The following DZIP1 variants were observed in gnomAD, a reference collection of about 807,000 sequenced individuals.
DZIP1 encodes DAZ interacting zinc finger protein 1.
Under a neutral mutation model 107.6 loss-of-function variants are expected in DZIP1, and 97 were observed. The ratio of observed to expected loss-of-function variants is 0.90; its 90% CI spans 0.77 to 1.07. The LOEUF (loss-of-function observed/expected upper bound fraction) is 1.07. DZIP1 is among the 50% of genes least tolerant of loss of function. The probability of loss-of-function intolerance (pLI) is 0.00; values close to 1 mark genes in which losing one functional copy is unlikely to be tolerated. For missense variants in DZIP1, 1,035 were observed against 1,063.6 expected (o/e 0.97, Z 0.37); for synonymous variants, 390 against 386.4 (o/e 1.01, Z -0.11).
intron 8 of DZIP1, among the ~76,000 whole-genome samples, chr13:95,624,345 T>G (rs964502941): frequency 6.6e-6 from 1 of 152,192 alleles, no homozygotes; most frequent in Non-Finnish European, 1.5e-5. Flanking sequence ...TAGCCATAAC[T>G]TGCTTGCTTT....
intron 18 of DZIP1, among the ~76,000 whole-genome samples, 187 bp from the exon 19 acceptor site, chr13:95,589,394 A>G (rs1384500167): frequency 6.6e-6 from 1 of 152,172 alleles, no homozygotes; most frequent in Non-Finnish European, 1.5e-5. Flanking sequence ...TGGACCAAAC[A>G]CTGTTATGGA....
chr13:95,584,675 A>G, intron 22 of DZIP1, 61 bp downstream of exon 22: 1 of 1,541,398 alleles, frequency 6.5e-7, no homozygotes, highest in Admixed American at 2.1e-5. Context: ...ATATTTATAA[A>G]GATGAAACAC....
intron 14 of DZIP1, among the ~76,000 whole-genome samples, chr13:95,603,181 A>G (rs1319087886): frequency 6.6e-6 from 1 of 151,776 alleles, no homozygotes; most frequent in Non-Finnish European, 1.5e-5. Flanking sequence ...TTAGTCAGGT[A>G]TGGTGGTGCA....
At chr13:95,601,587 C>A (rs1346170384) in intron 14 of DZIP1, among the ~76,000 whole-genome samples, 1 of 152,188 alleles carries the variant, frequency 6.6e-6, no homozygotes, top group Non-Finnish European at 1.5e-5. Flanking sequence ...TGGCTTGTAC[C>A]TTTCTGGACC....
At chr13:95,630,306 T>G (rs1379037795) in intron 6 of DZIP1, among the ~76,000 whole-genome samples, 193 bp from the exon 7 acceptor site, 2 of 152,144 alleles carry the variant, frequency 1.3e-5, no homozygotes, top group Non-Finnish European at 2.9e-5. Context: ...GGGCACTGAA[T>G]TATTTTTTAG....
In DZIP1 at chr13:95,593,971, C is replaced by T; in HGVS notation, c.1653G>A (p.Glu551=). 6.2e-7 allele frequency: 1 copy of T among 1,609,354 alleles called. No individual in the cohort carries two copies. Among genetic ancestry groups the T allele is most frequent in the Admixed American group, 1.7e-5 (1 of 59,090 alleles). Residue 551 remains glutamate, a synonymous_variant, in exon 16 of 23, where the codon GAG becomes GAA. Coordinates refer to ENST00000376829, the MANE Select transcript of DZIP1 (RefSeq NM_198968.4). ...LRTMVEQNLM[E]KLETLGINAD... is the part of the protein sequence containing the mutation. ...CATTAATCCCCAAGGTTTCCAGTTT[C>T]TCCATCAAGTTCTGCTCCACCATTG...
At chr13:95,635,264 A>G (rs1203328225) in intron 5 of DZIP1, among the ~76,000 whole-genome samples, 1 of 144,050 alleles carries the variant, frequency 6.9e-6, no homozygotes, top group African/African-American at 2.6e-5. Flanking sequence ...TGGCGTAATC[A>G]TGGCTCACTG....
chr13:95,632,918 G>A (rs1036316946), intron 6 of DZIP1, among the ~76,000 whole-genome samples: 2 of 152,106 alleles, frequency 1.3e-5, no homozygotes, highest in African/African-American at 4.8e-5. Flanking sequence ...GATCTTCATC[G>A]CATTTGCCAC....
rs2043996384 is a variant in DZIP1, at chr13:95,580,342, A to C, written c.*1892T>G. ...ACATAGTGAGACTCTGTCTCAAAAA[A>C]AAAAAAAAAAAAAGATACAACTAAC... On this transcript the variant is annotated 3_prime_UTR_variant, in exon 23 of 23. Coordinates refer to ENST00000376829, the MANE Select transcript of DZIP1 (RefSeq NM_198968.4). The C allele has an allele frequency of 6.6e-6, 1 of 152,012 alleles. No homozygotes were observed. The highest frequency in any genetic ancestry group is 2.1e-4 in the South Asian group (1 of 4,818). The allele number at this position is 152,012 out of a possible 1,614,324, so 9.4% of individuals were successfully genotyped here.
chr13:95,633,402 G>T, intron 5 of DZIP1, 81 bp from the exon 6 acceptor site: 1 of 1,212,798 alleles, frequency 8.2e-7, no homozygotes, highest in Non-Finnish European at 1.2e-6. Flanking sequence ...CAGGTACCTG[G>T]CCAGGCACTG....
chr13:95,593,704 C>G (rs2138867022), intron 16 of DZIP1, among the ~76,000 whole-genome samples: 1 of 152,280 alleles, frequency 6.6e-6, no homozygotes, highest in South Asian at 2.1e-4. Context: ...ATACTAATGT[C>G]ATTTATTTCA....
At chr13:95,634,088 C>A (rs77501061) in intron 5 of DZIP1, among the ~76,000 whole-genome samples, 1 of 152,196 alleles carries the variant, frequency 6.6e-6, no homozygotes, top group Non-Finnish European at 1.5e-5. Context: ...ACTCTATCAA[C>A]AACAACCTGC....
chr13:95,620,033 A>G, intron 9 of DZIP1, 86 bp from the exon 10 acceptor site: 3 of 1,410,046 alleles, frequency 2.1e-6, no homozygotes, highest in East Asian at 2.3e-5. Flanking sequence ...GTGAATACCT[A>G]TGAAACCCAA....
intron 16 of DZIP1, among the ~76,000 whole-genome samples, chr13:95,591,306 C>T (rs1213104312): frequency 3.3e-5 from 5 of 152,148 alleles, no homozygotes; most frequent in African/African-American, 7.2e-5. Context: ...GGATTACAGG[C>T]ATGAGCCACC....
chr13:95,590,804 G>C (rs999140614), intron 16 of DZIP1, among the ~76,000 whole-genome samples: 1 of 152,206 alleles, frequency 6.6e-6, no homozygotes, highest in Non-Finnish European at 1.5e-5. Context: ...AGTCAAACAA[G>C]TAAAAACAAG....
chr13:95,630,332 G>A lies in DZIP1; in HGVS notation c.686-219C>T, dbSNP rs543756607. ...TATTTTTTAGCAGATTCTTTCAGCCGCTGTGTTGAGGTTGGATTATCCTAC... is the reference window on the plus strand; with the variant it reads ...TATTTTTTAGCAGATTCTTTCAGCCACTGTGTTGAGGTTGGATTATCCTAC... On this transcript the variant is annotated intron_variant, in intron 6 of 22. Transcript: ENST00000376829. 1.6e-3 allele frequency among the ~76,000 whole-genome samples: 245 copies of A among 152,170 alleles called. 1 individual carries two copies. Among genetic ancestry groups the A allele is most frequent in the African/African-American group, 4.8e-3 (198 of 41,520 alleles).
chr13:95,612,054 T>C lies in DZIP1; in HGVS notation c.1297A>G (p.Ile433Val). 1 of 1,613,804 alleles carries C rather than the reference T, an allele frequency of 6.2e-7. No homozygotes were observed. The highest frequency in any genetic ancestry group is 1.6e-4 in the Middle Eastern group (1 of 6,062). Residue 433 changes from isoleucine (I) to valine (V), a missense_variant, in exon 11 of 23, where the codon ATA becomes GTA. By Grantham distance (29) the Ile-to-Val change is conservative (BLOSUM62 3). Coordinates refer to ENST00000376829, the MANE Select transcript of DZIP1 (RefSeq NM_198968.4). ...AGACATACCTGCTGTCTCTGAGTTA[T>C]AATCAGCTCATTCTGCTCCTGGAGT... is the stretch of plus-strand genomic sequence containing the variant. ...QRLQEQNELIITQRQQIKDFT... is the reference protein window; with the variant it reads ...QRLQEQNELIVTQRQQIKDFT...
intron 16 of DZIP1, among the ~76,000 whole-genome samples, chr13:95,591,208 T>C (rs1360195080): frequency 6.6e-6 from 1 of 151,858 alleles, no homozygotes; most frequent in Admixed American, 6.6e-5. Flanking sequence ...TTTGTATTTT[T>C]AGTAGAGATG....
intron 7 of DZIP1, among the ~76,000 whole-genome samples, chr13:95,626,412 T>C (rs959828892): frequency 6.6e-6 from 1 of 152,144 alleles, no homozygotes; most frequent in African/African-American, 2.4e-5. Flanking sequence ...TGTAAGAGAA[T>C]ATAATGAACA....
Sources: allele counts gnomAD v4.1 joint callset (sites outside exome capture counted in the v4.1 genomes callset), GRCh38; gene constraint gnomAD v4.1.1; transcripts MANE v1.5; gene names NCBI Gene and HGNC (gene_info 2026-07-23, HGNC 2026-07-21).